Variants in OSMR observed in about 807,000 individuals in gnomAD.
The protein encoded by OSMR is oncostatin-M-specific receptor subunit beta.
A neutral mutation model predicts 99.9 loss-of-function variants in OSMR; 81 were observed. The ratio of observed to expected loss-of-function variants is 0.81; its 90% CI spans 0.68 to 0.97. The LOEUF is 0.97. OSMR is among the 50% of genes least tolerant of loss of function. The pLI, the probability that OSMR is intolerant of heterozygous loss-of-function variation, is 0.00. For synonymous variants in OSMR, 406 were observed against 410.4 expected (o/e 0.99, Z 0.13); for missense variants, 1,099 against 1,153.4 (o/e 0.95, Z 0.68).
intron 1 of OSMR, among the ~76,000 whole-genome samples, chr5:38,854,012 G>T (rs547378539): frequency 1.7e-3 from 263 of 151,832 alleles, no homozygotes; most frequent in Non-Finnish European, 2.9e-3. Flanking sequence ...TCTTCAAAGG[G>T]GCTCTCAAAT....
chr5:38,933,423 T>C lies in OSMR; in HGVS notation c.2919T>C (p.Asp973=). ...GCCTCTCCTCAATTACCCTTTTAGA[T>C]CCAGGTGAACACTACTGCTAACCAG... ...NSSLSSITLL[D]PGEHYC is the part of the protein sequence containing the mutation. Residue 973 remains aspartate (D), a synonymous_variant, in exon 18 of 18, where the codon GAT becomes GAC. Transcript: ENST00000274276. The C allele has an allele frequency of 1.2e-6, 2 of 1,614,024 alleles. No homozygotes were observed. The highest frequency in any genetic ancestry group is 1.7e-6 in the Non-Finnish European group (2 of 1,179,984).
rs767351791 is a variant in OSMR, at chr5:38,883,810, A to G, written c.419-17A>G. 2.5e-6 allele frequency: 4 copies of G among 1,595,494 alleles called. No individual in the cohort carries two copies. The highest frequency in any genetic ancestry group is 3.4e-6 in the Non-Finnish European group (4 of 1,167,240). On this transcript the variant is annotated splice_polypyrimidine_tract_variant and intron_variant, in intron 4 of 17. Transcript: ENST00000274276. ...TTTTGAGTGCGATTCTAACTTGGCT[A>G]TTTTTTTTTCTTGCAGTACAAGATT... is the stretch of plus-strand genomic sequence containing the variant.
chr5:38,898,587 C>T (rs569243135), intron 7 of OSMR, among the ~76,000 whole-genome samples: 2 of 152,170 alleles, frequency 1.3e-5, no homozygotes, highest in East Asian at 3.9e-4. Flanking sequence ...AAGTTTAGTC[C>T]ATTTACACTC....
chr5:38,894,529 A>C (rs1744368140), intron 7 of OSMR, among the ~76,000 whole-genome samples: 1 of 152,148 alleles, frequency 6.6e-6, no homozygotes, highest in Admixed American at 6.5e-5. Context: ...GAAAACCAAA[A>C]AGAGCAAAAA....
intron 4 of OSMR, 24 bp from the exon 5 acceptor site, chr5:38,883,803 C>A (rs535310440): frequency 1.7e-5 from 27 of 1,611,978 alleles, no homozygotes; most frequent in Non-Finnish European, 1.9e-5. Flanking sequence ...GCGATTCTAA[C>A]TTGGCTATTT....
At position 38,903,853 on chromosome 5, in the gene OSMR, T is replaced by C. The variant is rs773624928; in HGVS notation, c.992-29T>C. 1.9e-6 allele frequency: 3 copies of C among 1,597,202 alleles called. No individual in the cohort carries two copies. The African/African-American group carries it at 4.0e-5, about 21-fold the overall frequency. On this transcript the variant is annotated intron_variant, in intron 7 of 17. Coordinates refer to ENST00000274276, the MANE Select transcript of OSMR (RefSeq NM_003999.3). ...GTCTTTTTGGATCTATGCTTGAATT[T>C]TTTTGTTTCTTTTTCTTTTTTTTGA...
intron 15 of OSMR, among the ~76,000 whole-genome samples, chr5:38,930,775 G>C (rs1040855160): frequency 6.6e-6 from 1 of 152,124 alleles, no homozygotes; most frequent in East Asian, 1.9e-4. Context: ...ATTCAGGGAG[G>C]TAAAGGAAGA....
chr5:38,879,412 T>C (rs2112342091), intron 3 of OSMR, among the ~76,000 whole-genome samples: 1 of 152,122 alleles, frequency 6.6e-6, no homozygotes, highest in Middle Eastern at 3.4e-3. Context: ...CGGAATGTGG[T>C]GGGGAACTGG....
intron 10 of OSMR, among the ~76,000 whole-genome samples, chr5:38,918,268 C>T (rs1340870219): frequency 6.6e-6 from 1 of 152,124 alleles, no homozygotes; most frequent in South Asian, 2.1e-4. Flanking sequence ...AGCCCACTCT[C>T]AGGGCTGGTG....
In OSMR at chr5:38,881,694, T is replaced by A. The variant is rs1561361826; in HGVS notation, c.348T>A (p.Ser116Arg). ...ECATHFVRIK[S>R]LVDDAKFPEP... The stretch of plus-strand genomic sequence containing the variant: ...CCACACACTTTGTAAGAATAAAGAG[T>A]TTGGTGGACGATGCCAAGTTCCCTG... The change falls in exon 4 of 18, where the codon AGT (serine) becomes AGA (arginine). Residue 116 changes from serine to arginine, a missense_variant. Transcript: ENST00000274276. 1.2e-6 allele frequency: 2 copies of A among 1,613,974 alleles called. No homozygotes were observed. Among genetic ancestry groups the A allele is most frequent in the South Asian group, 1.1e-5 (1 of 91,082 alleles).
chr5:38,944,510 G>A, intron 2 of OSMR: 1 of 1,612,176 alleles, frequency 6.2e-7, no homozygotes, highest in Non-Finnish European at 8.5e-7. Flanking sequence ...ACTAATCTTA[G>A]AACTTCTTTG....
chr5:38,944,667 A>G lies in OSMR; in HGVS notation c.*87-279A>G, dbSNP rs1412791350. ...TTTTAAACTTCACCTAAAGACCTAGAGATCAATTACACATGATCTACCAAT... is the reference window on the plus strand; with the variant it reads ...TTTTAAACTTCACCTAAAGACCTAGGGATCAATTACACATGATCTACCAAT... On this transcript the variant is annotated intron_variant and NMD_transcript_variant, in intron 2 of 2. Coordinates refer to the OSMR transcript ENST00000508882. 2.5e-5 allele frequency: 28 copies of G among 1,102,530 alleles called. No homozygotes were observed. The South Asian group carries it at 3.9e-4, about 15-fold the overall frequency. 68.3% of individuals were successfully genotyped at this position (1,102,530 alleles called of 1,614,324 possible). A position where few individuals can be genotyped will look rare whatever the true frequency, so the allele number is the denominator to read the frequency against.
At chr5:38,857,217 T>C (rs534259642) in intron 1 of OSMR, among the ~76,000 whole-genome samples, 9 of 152,340 alleles carry the variant, frequency 5.9e-5, no homozygotes, top group African/African-American at 2.2e-4. Flanking sequence ...TTAAAAAACA[T>C]TTGGCAACAT....
intron 1 of OSMR, among the ~76,000 whole-genome samples, chr5:38,849,458 C>T (rs941084535): frequency 7.2e-6 from 1 of 138,742 alleles, no homozygotes; most frequent in Non-Finnish European, 1.6e-5. Context: ...TTTCATTGAT[C>T]TTTTTTTTTG....
At position 38,933,303 on chromosome 5, in the gene OSMR, A is replaced by G; in HGVS notation, c.2799A>G (p.Pro933=). The stretch of plus-strand genomic sequence containing the variant: ...TGTTTGGAGACAAGGACAGTCTCCC[A>G]ACAAACCCAGTAGAGGCACCACACT... ...SPMFGDKDSL[P]TNPVEAPHCS... is the part of the protein sequence containing the mutation. The change falls in exon 18 of 18, where the codon CCA becomes CCG. Residue 933 remains proline (P), a synonymous_variant. Coordinates refer to ENST00000274276, the MANE Select transcript of OSMR (RefSeq NM_003999.3). The G allele has an allele frequency of 6.2e-7, 1 of 1,614,226 alleles. No homozygotes were observed. Among genetic ancestry groups the G allele is most frequent in the Non-Finnish European group, 8.5e-7 (1 of 1,180,024 alleles).
chr5:38,863,958 T>G (rs1222128766), intron 1 of OSMR, among the ~76,000 whole-genome samples: 1 of 152,236 alleles, frequency 6.6e-6, no homozygotes, highest in Non-Finnish European at 1.5e-5. Flanking sequence ...CTGTTTTATC[T>G]AAATACAGCT....
In OSMR at chr5:38,933,196, GAA is replaced by G. The variant is rs763877024; in HGVS notation, c.2698_2699del (p.Asn900LeufsTer46). 1 of 1,614,120 alleles carries G rather than the reference GAA, an allele frequency of 6.2e-7. No homozygotes were observed. The highest frequency in any genetic ancestry group is 1.1e-5 in the South Asian group (1 of 91,080). On this transcript the variant is annotated frameshift_variant, in exon 18 of 18. Coordinates refer to ENST00000274276, the MANE Select transcript of OSMR (RefSeq NM_003999.3). LOFTEE classifies it low-confidence loss of function (END_TRUNC). ...TSPENVLKAL[E>X]KNYMNSLGEI... Reference sequence around the variant, plus strand: ...ACCTGAAAATGTACTAAAGGCACTAGAAAAAAACTACATGAACTCCCTGGGAG... The same window carrying G: ...ACCTGAAAATGTACTAAAGGCACTAGAAAAACTACATGAACTCCCTGGGAG...
chr5:38,862,123 C>T (rs1395703836), intron 1 of OSMR, among the ~76,000 whole-genome samples: 13 of 125,196 alleles, frequency 1.0e-4, no homozygotes, highest in Non-Finnish European at 2.1e-4. Context: ...CCCTCCCGGA[C>T]GGGGCGGCTG....
At chr5:38,943,156 G>A in intron 1 of OSMR, 1 of 364,622 alleles carries the variant, frequency 2.7e-6, no homozygotes, top group Non-Finnish European at 4.7e-6. Flanking sequence ...TTCTGAGTTT[G>A]GGTTTTTTTT....
Sources: gnomAD v4.1 joint callset for allele counts (sites outside exome capture counted in the v4.1 genomes callset) on GRCh38, gnomAD v4.1.1 for gene constraint, MANE v1.5 for transcripts, NCBI Gene and HGNC (gene_info 2026-07-23, HGNC 2026-07-21) for gene names.